Variants in PLEKHG1 observed in about 807,000 individuals in gnomAD.
The protein encoded by PLEKHG1 is pleckstrin homology and RhoGEF domain containing G1.
PLEKHG1 carries 44 observed loss-of-function variants against 100.8 expected under a neutral mutation model. The ratio of observed to expected loss-of-function variants is 0.44; its 90% CI spans 0.34 to 0.56. The LOEUF is 0.56. Among genes scored for constraint, PLEKHG1 ranks in the 20% least tolerant of loss-of-function variants. The pLI is 0.01. For missense variants in PLEKHG1, 1,545 were observed against 1,720.9 expected (o/e 0.90, Z 1.81); for synonymous variants, 640 against 662.5 (o/e 0.97, Z 0.52).
intron 1 of PLEKHG1, among the ~76,000 whole-genome samples, chr6:150,632,651 A>G (rs1777812543): frequency 6.6e-6 from 1 of 152,132 alleles, no homozygotes; most frequent in Admixed American, 6.6e-5. Context: ...ATTCAGGAGC[A>G]AAAAACAAAG....
chr6:150,840,070 C>T lies in PLEKHG1; in HGVS notation c.3332C>T (p.Thr1111Met), dbSNP rs139978019. ...CAAGACTTGAGGTCAAGATATCCCACGTTTGAGATCAATACAAAAAGTACT... is the reference window on the plus strand; with the variant it reads ...CAAGACTTGAGGTCAAGATATCCCATGTTTGAGATCAATACAAAAAGTACT... The change falls in exon 16 of 16, where the codon ACG becomes ATG. Residue 1111 changes from threonine (T) to methionine (M), a missense_variant. Thr to Met is a moderately conservative substitution (Grantham distance 81, BLOSUM62 -1). Transcript: ENST00000358517. 8 of 1,614,132 alleles carry T rather than the reference C, an allele frequency of 5.0e-6. No individual in the cohort carries two copies. The highest frequency in any genetic ancestry group is 2.7e-5 in the African/African-American group (2 of 75,052).
At chr6:150,633,308 A>C (rs1002839230) in intron 1 of PLEKHG1, 1 of 153,052 alleles carries the variant, frequency 6.5e-6, no homozygotes, top group Admixed American at 6.5e-5. Context: ...TCACCAGGTA[A>C]AGATGGGTTG....
At chr6:150,644,332 G>GGTTTTTTTTT (rs1562404967) in intron 2 of PLEKHG1, among the ~76,000 whole-genome samples, 1 of 96,564 alleles carries the variant, frequency 1.0e-5, no homozygotes, top group African/African-American at 4.4e-5. Context: ...TTTTCTTTTC[G>GGTTTTTTTTT]TGTTTTTTTT....
intron 3 of PLEKHG1, among the ~76,000 whole-genome samples, chr6:150,669,356 G>A (rs904810568): frequency 1.9e-4 from 29 of 152,210 alleles, no homozygotes; most frequent in African/African-American, 6.5e-4. Flanking sequence ...ATTGCCTACC[G>A]AGGTCATTCT....
At chr6:150,782,101 A>G (rs1270118923) in intron 3 of PLEKHG1, among the ~76,000 whole-genome samples, 1 of 151,972 alleles carries the variant, frequency 6.6e-6, no homozygotes, top group African/African-American at 2.4e-5. Context: ...TCTAAGTGCA[A>G]GATAGGCCAG....
chr6:150,809,286 T>C (rs972801109), exon 8 of PLEKHG1: 1 of 1,613,500 alleles, frequency 6.2e-7, no homozygotes, highest in Non-Finnish European at 8.5e-7. Context: ...GCTCACATCC[T>C]GGTAGGTCTG....
intron 3 of PLEKHG1, among the ~76,000 whole-genome samples, chr6:150,711,280 C>G (rs1207976250): frequency 6.6e-6 from 1 of 152,130 alleles, no homozygotes; most frequent in East Asian, 1.9e-4. Flanking sequence ...AGGGGCAGCT[C>G]TCCCCTTTGA....
At chr6:150,599,988 G>T in exon 1 of PLEKHG1, 2 of 234,746 alleles carry the variant, frequency 8.5e-6, no homozygotes, top group Non-Finnish European at 1.8e-5. Context: ...TGCGAGCGCC[G>T]CCCGGGCATG....
chr6:150,762,677 A>G (rs1178272044), intron 2 of PLEKHG1, among the ~76,000 whole-genome samples: 1 of 152,272 alleles, frequency 6.6e-6, no homozygotes, highest in Non-Finnish European at 1.5e-5. Context: ...GAGCTTTTGT[A>G]TCCAGCCTAA....
chr6:150,809,299 C>A lies in PLEKHG1; in HGVS notation c.1095+12C>A, dbSNP rs1388502015. 1 of 1,612,482 alleles carries A rather than the reference C, an allele frequency of 6.2e-7. No homozygotes were observed. ...AAGCTCACATCCTGGTAGGTCTGCA[C>A]GCTGGCCATGGGCAGGGACTCAGAT... On this transcript the variant is annotated intron_variant, in intron 8 of 15. Transcript: ENST00000358517.
At chr6:150,699,109 T>C (rs1470740099) in intron 3 of PLEKHG1, among the ~76,000 whole-genome samples, 1 of 152,236 alleles carries the variant, frequency 6.6e-6, no homozygotes, top group Non-Finnish European at 1.5e-5. Context: ...ACTGGACCAA[T>C]GTCAGTTTCT....
At chr6:150,644,334 G>GTTTTGTTTTTTTTT (rs1554255839) in intron 2 of PLEKHG1, among the ~76,000 whole-genome samples, 3 of 117,622 alleles carry the variant, frequency 2.6e-5, no homozygotes, top group African/African-American at 1.0e-4. Flanking sequence ...TTCTTTTCGT[G>GTTTTGTTTTTTTTT]TTTTTTTTTT....
At chr6:150,714,544 A>G (rs79655347) in intron 3 of PLEKHG1, among the ~76,000 whole-genome samples, 5 of 152,218 alleles carry the variant, frequency 3.3e-5, no homozygotes, top group Non-Finnish European at 7.3e-5. Context: ...GGCCATGCAC[A>G]ACAGTGTGGT....
At chr6:150,731,122 C>T (rs1782228150) in intron 1 of PLEKHG1, among the ~76,000 whole-genome samples, 1 of 152,102 alleles carries the variant, frequency 6.6e-6, no homozygotes, top group African/African-American at 2.4e-5. Flanking sequence ...AACACCAGTC[C>T]CAAACGTGAG....
At chr6:150,745,671 A>G (rs1783121416) in intron 2 of PLEKHG1, among the ~76,000 whole-genome samples, 2 of 150,722 alleles carry the variant, frequency 1.3e-5, no homozygotes, top group South Asian at 4.2e-4. Flanking sequence ...TGACAGAGCG[A>G]GACTCCATCT....
intron 3 of PLEKHG1, among the ~76,000 whole-genome samples, chr6:150,783,249 G>C (rs775338811): frequency 2.0e-5 from 3 of 150,818 alleles, no homozygotes; most frequent in Non-Finnish European, 4.4e-5. Context: ...AAGATAGAGA[G>C]TAGAAGAGGA....
At chr6:150,814,413 C>T (rs959176550) in intron 10 of PLEKHG1, among the ~76,000 whole-genome samples, 1 of 152,248 alleles carries the variant, frequency 6.6e-6, no homozygotes, top group African/African-American at 2.4e-5. Flanking sequence ...AATATAACAT[C>T]GTACTTTCTC....
At chr6:150,661,722 G>C (rs1348001159) in intron 3 of PLEKHG1, among the ~76,000 whole-genome samples, 1 of 152,164 alleles carries the variant, frequency 6.6e-6, no homozygotes, top group African/African-American at 2.4e-5. Flanking sequence ...AGAGTTTAGA[G>C]ATACGCCTAT....
chr6:150,698,701 C>T (rs1780649315), intron 3 of PLEKHG1, among the ~76,000 whole-genome samples: 1 of 152,136 alleles, frequency 6.6e-6, no homozygotes, highest in Non-Finnish European at 1.5e-5. Flanking sequence ...TGTTCTTTTC[C>T]AACAGTTGTG....
Sources: gnomAD v4.1 joint callset for allele counts (sites outside exome capture counted in the v4.1 genomes callset) on GRCh38, gnomAD v4.1.1 for gene constraint, MANE v1.5 for transcripts, NCBI Gene and HGNC (gene_info 2026-07-23, HGNC 2026-07-21) for gene names.